Variants in FRMD6 observed in about 807,000 individuals in gnomAD.
FRMD6 encodes the protein FERM domain containing 6, also known as FERM domain-containing protein 6.
FRMD6 carries 37 observed loss-of-function variants against 73.2 expected under a neutral mutation model. The observed-to-expected ratio is 0.51, with a 90% CI of 0.39 to 0.66. FRMD6 has a LOEUF of 0.66. FRMD6 is among the 30% of genes least tolerant of loss of function. FRMD6 has a pLI of 0.00. For synonymous variants in FRMD6, 273 were observed against 282.2 expected (o/e 0.97, Z 0.33); for missense variants, 714 against 780.5 (o/e 0.91, Z 1.02).
intron 2 of FRMD6, among the ~76,000 whole-genome samples, chr14:51,629,864 T>C (rs1296818280): frequency 6.6e-6 from 1 of 152,202 alleles, no homozygotes; most frequent in Non-Finnish European, 1.5e-5. Flanking sequence ...AAATTATCTA[T>C]ATGTTTCCTT....
At chr14:51,595,019 G>A (rs1421561229) in intron 2 of FRMD6, among the ~76,000 whole-genome samples, 1 of 152,170 alleles carries the variant, frequency 6.6e-6, no homozygotes, top group Non-Finnish European at 1.5e-5. Context: ...TGGATACTCA[G>A]CCTCAACGGA....
chr14:51,500,540 CA>C (rs112445619), intron 1 of FRMD6, among the ~76,000 whole-genome samples: 73,715 of 141,318 alleles, frequency 0.52, 20,361 homozygotes, highest in African/African-American at 0.76. Flanking sequence ...GACTCTGTCT[CA>C]AAAAAAAAAA....
At chr14:51,583,216 A>T (rs1462273940) in intron 2 of FRMD6, among the ~76,000 whole-genome samples, 1 of 152,160 alleles carries the variant, frequency 6.6e-6, no homozygotes, top group Non-Finnish European at 1.5e-5. Context: ...TTGTGTCATA[A>T]TTCTCTTTAT....
At chr14:51,490,905 G>T (rs1283396065) in intron 1 of FRMD6, among the ~76,000 whole-genome samples, 2 of 152,204 alleles carry the variant, frequency 1.3e-5, no homozygotes, top group Non-Finnish European at 2.9e-5. Flanking sequence ...GCCAAGAATA[G>T]TGAGAGCACT....
At chr14:51,654,539 T>G (rs1334815996) in intron 1 of FRMD6, among the ~76,000 whole-genome samples, 1 of 151,978 alleles carries the variant, frequency 6.6e-6, no homozygotes, top group Non-Finnish European at 1.5e-5. Context: ...CTTTGTAGTT[T>G]TCGATTTGGA....
intron 2 of FRMD6, among the ~76,000 whole-genome samples, chr14:51,585,953 A>ATATATATATATATATATATG (rs1889023824): frequency 5.5e-5 from 1 of 18,156 alleles, no homozygotes; most frequent in Non-Finnish European, 2.7e-4. Flanking sequence ...ATATATATAT[A>ATATATATATATATATATATG]TATATATAAC....
chr14:51,704,959 AAG>A (rs755642812), intron 6 of FRMD6, 24 bp downstream of exon 6: 13 of 1,583,194 alleles, frequency 8.2e-6, no homozygotes, highest in East Asian at 2.3e-5. Flanking sequence ...TCAAATTCGA[AAG>A]AGTGTTTTCT....
chr14:51,540,610 GC>G (rs1886153423), intron 1 of FRMD6, among the ~76,000 whole-genome samples: 1 of 152,116 alleles, frequency 6.6e-6, no homozygotes, highest in Non-Finnish European at 1.5e-5. Flanking sequence ...AGATTTTACA[GC>G]CCTGTGAAGT....
At chr14:51,473,802 G>A in the FRMD6 span, among the ~76,000 whole-genome samples, 1 of 151,172 alleles carries the variant, frequency 6.6e-6, no homozygotes. Context: ...TGGTCTTGGA[G>A]CTAATTTCTA....
chr14:51,721,421 C>T (rs1417259906), intron 11 of FRMD6, among the ~76,000 whole-genome samples: 1 of 152,128 alleles, frequency 6.6e-6, no homozygotes, highest in Non-Finnish European at 1.5e-5. Context: ...GCCATTCTGG[C>T]CAACATGATG....
chr14:51,596,546 C>T (rs1435356880), intron 2 of FRMD6, among the ~76,000 whole-genome samples: 2 of 152,112 alleles, frequency 1.3e-5, no homozygotes, highest in African/African-American at 4.8e-5. Context: ...CGTAAGTTTA[C>T]CCATGTGGCT....
chr14:51,549,967 G>A (rs1886718008), intron 1 of FRMD6, among the ~76,000 whole-genome samples: 1 of 152,100 alleles, frequency 6.6e-6, no homozygotes, highest in African/African-American at 2.4e-5. Flanking sequence ...GCACATGTCC[G>A]CTAACCTAAA....
At chr14:51,688,226 C>T (rs1895308506) in intron 1 of FRMD6, among the ~76,000 whole-genome samples, 2 of 152,032 alleles carry the variant, frequency 1.3e-5, no homozygotes, top group African/African-American at 4.8e-5. Flanking sequence ...CTCCAATGAC[C>T]CCATGAGGTG....
intron 2 of FRMD6, among the ~76,000 whole-genome samples, chr14:51,696,370 A>G (rs1323562065): frequency 6.6e-6 from 1 of 151,222 alleles, no homozygotes; most frequent in Admixed American, 6.6e-5. Flanking sequence ...AAGCATTATT[A>G]TGAGATAATA....
In FRMD6 at chr14:51,712,544, T is replaced by A. The variant is rs1198196193; in HGVS notation, c.842T>A (p.Val281Glu). 1 of 1,593,740 alleles carries A rather than the reference T, an allele frequency of 6.3e-7. No individual in the cohort carries two copies. Among genetic ancestry groups the A allele is most frequent in the African/African-American group, 1.3e-5 (1 of 74,592 alleles). ...CCCTGGACAAATGTTGGAAAATTGG[T>A]GTTTGTGGTAAGTTTAAAATAACTG... ...DFPWTNVGKL[V>E]FVGKKFEILP... Residue 281 changes from valine to glutamate, a missense_variant, in exon 9 of 14, where the codon GTG becomes GAG. Coordinates refer to ENST00000344768, the MANE Select transcript of FRMD6 (RefSeq NM_001267046.2).
At chr14:51,595,208 C>T (rs10140066) in intron 2 of FRMD6, among the ~76,000 whole-genome samples, 3,381 of 152,258 alleles carry the variant, frequency 0.022, 141 homozygotes, top group African/African-American at 0.078. Flanking sequence ...CTGCATCAGT[C>T]CCCTAACTCT....
chr14:51,604,339 G>A (rs920399454), intron 2 of FRMD6, among the ~76,000 whole-genome samples: 12 of 152,222 alleles, frequency 7.9e-5, no homozygotes, highest in South Asian at 2.1e-4. Context: ...GGAAGGAATC[G>A]CTTTGGAGTA....
At chr14:51,556,473 C>T (rs543055369) in intron 1 of FRMD6, among the ~76,000 whole-genome samples, 15 of 152,210 alleles carry the variant, frequency 9.9e-5, no homozygotes, top group Middle Eastern at 3.4e-3. Context: ...TGCTAAAATC[C>T]GCTCTGTGGT....
intron 1 of FRMD6, among the ~76,000 whole-genome samples, chr14:51,514,912 T>C (rs1002305878): frequency 6.6e-6 from 1 of 152,136 alleles, no homozygotes; most frequent in Non-Finnish European, 1.5e-5. Context: ...CGATGCAAAA[T>C]AGATTGAGAA....
Sources: gnomAD v4.1 joint callset for allele counts (sites outside exome capture counted in the v4.1 genomes callset) on GRCh38, gnomAD v4.1.1 for gene constraint, MANE v1.5 for transcripts, NCBI Gene and HGNC (gene_info 2026-07-23, HGNC 2026-07-21) for gene names.